MAP2K4: variants seen among roughly 807,000 people sequenced by gnomAD.
MAP2K4 encodes dual specificity mitogen-activated protein kinase kinase 4.
MAP2K4 carries 4 observed loss-of-function variants against 48.5 expected under a neutral mutation model. The ratio of observed to expected loss-of-function variants is 0.08; its 90% confidence interval spans 0.04 to 0.19. The LOEUF is 0.19. Among genes scored for constraint, MAP2K4 ranks in the 10% least tolerant of loss-of-function variants. The probability of loss-of-function intolerance (pLI) is 1.00; values close to 1 mark genes in which losing one functional copy is unlikely to be tolerated. For missense variants in MAP2K4, 258 were observed against 493.3 expected, an observed-to-expected ratio of 0.52 and a Z score of 4.52; for synonymous variants, 166 against 173.1, an observed-to-expected ratio of 0.96 and a Z score of 0.32.
intron 2 of MAP2K4, among the ~76,000 whole-genome samples, chr17:12,057,807 A>G (rs1597421027): frequency 6.6e-6 from 1 of 152,160 alleles, no homozygotes; most frequent in East Asian, 1.9e-4. Flanking sequence ...TTAATTTCCA[A>G]GAGTTGATTG....
intron 4 of MAP2K4, among the ~76,000 whole-genome samples, chr17:12,096,524 T>A (rs1000546623): frequency 1.3e-5 from 2 of 152,204 alleles, no homozygotes; most frequent in African/African-American, 4.8e-5. Flanking sequence ...TGAACTGAAC[T>A]GCTAAGCATT....
intron 7 of MAP2K4, among the ~76,000 whole-genome samples, chr17:12,119,906 C>T (rs558700134): frequency 6.6e-6 from 1 of 152,318 alleles, no homozygotes; most frequent in South Asian, 2.1e-4. Flanking sequence ...CAAACTAATG[C>T]AGGAACAGAA....
intron 1 of MAP2K4, among the ~76,000 whole-genome samples, chr17:12,027,788 G>A (rs913965981): frequency 6.6e-6 from 1 of 152,086 alleles, no homozygotes; most frequent in African/African-American, 2.4e-5. Context: ...TGGCAGAGGT[G>A]TAGAGGGTGG....
chr17:12,047,390 A>T (rs28918101), intron 1 of MAP2K4, among the ~76,000 whole-genome samples: 1 of 152,182 alleles, frequency 6.6e-6, no homozygotes, highest in African/African-American at 2.4e-5. Context: ...CAGTGCCCCT[A>T]TGGGGAAGGT....
In MAP2K4 at chr17:12,096,084, C is replaced by A. The variant is rs1016727726; in HGVS notation, c.513+390C>A. Among the ~76,000 whole-genome samples the A allele has an allele frequency of 1.1e-4, 6 of 54,894 alleles. 1 individual carries two copies. The South Asian group carries it at 3.1e-3, about 28-fold the overall frequency. The allele number at this position is 54,894 out of a possible 152,430, so 36.0% of individuals were successfully genotyped here. Reference sequence around the variant, plus strand: ...GCAACGCCTCCCCCCCCCCCCCCCCCCCCCGCCGCCAACTTTATATTTTAA... The same window carrying A: ...GCAACGCCTCCCCCCCCCCCCCCCCACCCCGCCGCCAACTTTATATTTTAA... On this transcript the variant is annotated intron_variant, in intron 4 of 10. Transcript: ENST00000353533.
At chr17:12,115,285 T>C (rs896602444) in intron 7 of MAP2K4, among the ~76,000 whole-genome samples, 1 of 152,202 alleles carries the variant, frequency 6.6e-6, no homozygotes, top group Non-Finnish European at 1.5e-5. Flanking sequence ...CGTGGGAATA[T>C]GTTCTGAGAA....
chr17:12,114,661 G>A (rs571218330), intron 7 of MAP2K4, among the ~76,000 whole-genome samples: 2 of 152,102 alleles, frequency 1.3e-5, no homozygotes, highest in African/African-American at 2.4e-5. Context: ...TACAGTTTTA[G>A]GGCTTGTCTC....
At chr17:12,129,405 C>G in intron 9 of MAP2K4, 118 bp downstream of exon 9, 1 of 1,174,508 alleles carries the variant, frequency 8.5e-7, no homozygotes, top group South Asian at 1.4e-5. Context: ...CATCACCCTA[C>G]TTTTCAAGCT....
intron 4 of MAP2K4, among the ~76,000 whole-genome samples, chr17:12,100,098 A>T (rs1324999237): frequency 6.6e-6 from 1 of 152,158 alleles, no homozygotes; most frequent in Non-Finnish European, 1.5e-5. Context: ...AACTTCCCAC[A>T]TGTAAAGTGT....
intron 1 of MAP2K4, among the ~76,000 whole-genome samples, chr17:12,033,795 G>C (rs780407823): frequency 1.7e-4 from 26 of 150,464 alleles, no homozygotes; most frequent in Non-Finnish European, 3.6e-4. Context: ...TCTAATTAAT[G>C]AAAAAAAAAG....
intron 1 of MAP2K4, among the ~76,000 whole-genome samples, chr17:12,047,559 G>C (rs1273187234): frequency 6.6e-6 from 1 of 152,188 alleles, no homozygotes; most frequent in Non-Finnish European, 1.5e-5. Flanking sequence ...TAGTTTAATA[G>C]AATTAGGAAG....
At chr17:12,077,299 C>T (rs1476424454) in intron 2 of MAP2K4, among the ~76,000 whole-genome samples, 3 of 152,150 alleles carry the variant, frequency 2.0e-5, no homozygotes, top group African/African-American at 7.2e-5. Flanking sequence ...TTGGGATGAC[C>T]AAACTGCTGC....
At chr17:12,044,631 C>T (rs2151518818) in intron 1 of MAP2K4, among the ~76,000 whole-genome samples, 1 of 152,300 alleles carries the variant, frequency 6.6e-6, no homozygotes, top group East Asian at 1.9e-4. Flanking sequence ...GATTTCTCCC[C>T]ACTAGCAAAC....
At chr17:12,133,245 C>G (rs1346046542) in intron 9 of MAP2K4, among the ~76,000 whole-genome samples, 2 of 152,108 alleles carry the variant, frequency 1.3e-5, no homozygotes, top group African/African-American at 4.8e-5. Flanking sequence ...CCATGCCTGG[C>G]TAATTTATGT....
intron 1 of MAP2K4, chr17:12,032,352 G>T: frequency 1.1e-6 from 1 of 932,944 alleles, no homozygotes; most frequent in South Asian, 3.1e-5. Context: ...TATCCATCTT[G>T]GTATTGGGAA....
chr17:12,062,369 TC>T (rs1970476573), intron 2 of MAP2K4, among the ~76,000 whole-genome samples: 1 of 152,214 alleles, frequency 6.6e-6, no homozygotes, highest in Non-Finnish European at 1.5e-5. Flanking sequence ...AGGATCTTGC[TC>T]TGTTGCCCTG....
chr17:12,071,390 G>A (rs1462719637), intron 2 of MAP2K4, among the ~76,000 whole-genome samples: 8 of 152,056 alleles, frequency 5.3e-5, no homozygotes, highest in Admixed American at 5.2e-4. Flanking sequence ...CATTTCAAAG[G>A]CAAGGTGATA....
At chr17:12,028,162 T>C (rs1969320931) in intron 1 of MAP2K4, among the ~76,000 whole-genome samples, 1 of 152,222 alleles carries the variant, frequency 6.6e-6, no homozygotes, top group South Asian at 2.1e-4. Flanking sequence ...CAGTGTACTG[T>C]GCTTCATTAA....
intron 4 of MAP2K4, among the ~76,000 whole-genome samples, chr17:12,098,571 A>G (rs906942273): frequency 1.3e-5 from 2 of 151,888 alleles, no homozygotes; most frequent in Non-Finnish European, 2.9e-5. Flanking sequence ...TTAAAGAAAC[A>G]TTTTTGTTTT....
Sources: allele counts gnomAD v4.1 joint callset (sites outside exome capture counted in the v4.1 genomes callset), GRCh38; gene constraint gnomAD v4.1.1; transcripts MANE v1.5; gene names NCBI Gene and HGNC (gene_info 2026-07-23, HGNC 2026-07-21).